Variants in NFXL1 observed in about 807,000 individuals in gnomAD.
NFXL1 encodes the protein NF-X1-type zinc finger protein NFXL1.
In NFXL1, 66 loss-of-function variants were observed where a neutral mutation model predicts 123.3. The observed-to-expected ratio is 0.54, with a 90% CI of 0.44 to 0.66. The LOEUF is 0.66. Among genes scored for constraint, NFXL1 ranks in the 30% least tolerant of loss-of-function variants. The probability of loss-of-function intolerance (pLI) is 0.00; values close to 1 mark genes in which losing one functional copy is unlikely to be tolerated. For missense variants in NFXL1, 944 were observed against 1,125.6 expected (o/e 0.84, Z 2.31); for synonymous variants, 346 against 360.8 (o/e 0.96, Z 0.46).
intron 14 of NFXL1, 117 bp from the exon 15 acceptor site, chr4:47,884,554 A>G (rs1736312562): frequency 3.4e-6 from 2 of 585,786 alleles, no homozygotes; most frequent in East Asian, 5.8e-5. Flanking sequence ...AATTTTTTCA[A>G]ATAATCAATA....
chr4:47,849,474 T>C (rs1308529777), intron 22 of NFXL1, among the ~76,000 whole-genome samples: 2 of 152,214 alleles, frequency 1.3e-5, no homozygotes, highest in African/African-American at 4.8e-5. Flanking sequence ...GGAGGAAATG[T>C]AAACTTTAGT....
intron 3 of NFXL1, among the ~76,000 whole-genome samples, chr4:47,905,600 G>A (rs887318656): frequency 6.6e-6 from 1 of 151,936 alleles, no homozygotes; most frequent in African/African-American, 2.4e-5. Flanking sequence ...TGCTTTTTTG[G>A]CTGTTAGAAT....
intron 19 of NFXL1, 50 bp from the exon 20 acceptor site, chr4:47,855,213 C>T (rs1241852938): frequency 1.8e-6 from 2 of 1,083,900 alleles, no homozygotes; most frequent in Non-Finnish European, 2.8e-6. Flanking sequence ...CTTGATCATA[C>T]TCTAGTTTCC....
intron 12 of NFXL1, among the ~76,000 whole-genome samples, chr4:47,888,811 T>C (rs965498020): frequency 6.6e-6 from 1 of 152,156 alleles, no homozygotes; most frequent in Non-Finnish European, 1.5e-5. Flanking sequence ...ACAAAACCAA[T>C]TACAACATGT....
intron 15 of NFXL1, among the ~76,000 whole-genome samples, chr4:47,879,358 G>A (rs1735944124): frequency 1.3e-5 from 2 of 151,652 alleles, no homozygotes; most frequent in African/African-American, 4.8e-5. Flanking sequence ...GAAATACTTG[G>A]GTATGAATTT....
At chr4:47,848,377 A>G in intron 22 of NFXL1, 41 bp from the exon 23 acceptor site, 9 of 1,416,466 alleles carry the variant, frequency 6.4e-6, no homozygotes, top group Non-Finnish European at 7.8e-6. Context: ...TTCAATGCAT[A>G]CATTGATTTG....
At chr4:47,886,651 G>A (rs1356529306) in intron 12 of NFXL1, among the ~76,000 whole-genome samples, 3 of 152,132 alleles carry the variant, frequency 2.0e-5, no homozygotes, top group Admixed American at 1.3e-4. Context: ...GTACAGGCGT[G>A]AGCCACTGCA....
At chr4:47,868,835 T>C (rs73143930) in intron 18 of NFXL1, among the ~76,000 whole-genome samples, 3,105 of 152,292 alleles carry the variant, frequency 0.02, 128 homozygotes, top group African/African-American at 0.071. Context: ...CTTTCAATGC[T>C]AAAAGCCGTA....
chr4:47,851,677 T>G (rs1173587741), intron 21 of NFXL1, among the ~76,000 whole-genome samples, 179 bp downstream of exon 21: 1 of 152,018 alleles, frequency 6.6e-6, no homozygotes, highest in Admixed American at 6.6e-5. Flanking sequence ...ATGAAAAGCC[T>G]TCATATACAC....
At chr4:47,898,688 C>T in intron 8 of NFXL1, 69 bp downstream of exon 8, 1 of 1,026,720 alleles carries the variant, frequency 9.7e-7, no homozygotes, top group South Asian at 1.3e-5. Context: ...ATTAGCCTTG[C>T]TGCTTTCTAG....
intron 15 of NFXL1, among the ~76,000 whole-genome samples, chr4:47,880,942 G>C (rs1458753912): frequency 1.3e-5 from 2 of 151,888 alleles, no homozygotes; most frequent in African/African-American, 4.8e-5. Context: ...AATAGTTACA[G>C]GATGGAAAAG....
rs117822130 is a variant in NFXL1, at chr4:47,905,442, A to G, written c.407-96T>C. 8.6e-4 allele frequency: 506 copies of G among 590,796 alleles called. 4 individuals are homozygous for G. The East Asian group carries it at 0.013, about 16-fold the overall frequency. The allele number at this position is 590,796 out of a possible 1,614,324, so 36.6% of individuals were successfully genotyped here. A position where few individuals can be genotyped will look rare whatever the true frequency, so the allele number is the denominator to read the frequency against. On this transcript the variant is annotated intron_variant, in intron 3 of 22. Transcript: ENST00000507489. The stretch of plus-strand genomic sequence containing the variant: ...CATATTATGTAAGAACTGTCTAGCA[A>G]TATCAATTGCTCAAAATATAGCTGT...
intron 17 of NFXL1, among the ~76,000 whole-genome samples, chr4:47,876,559 T>C (rs1386835778): frequency 1.3e-5 from 2 of 152,250 alleles, no homozygotes; most frequent in African/African-American, 2.4e-5. Context: ...AGTCAGGAGT[T>C]AGATCATTAC....
At chr4:47,907,260 C>T (rs1008991697) in intron 3 of NFXL1, among the ~76,000 whole-genome samples, 3 of 152,206 alleles carry the variant, frequency 2.0e-5, no homozygotes, top group African/African-American at 7.2e-5. Flanking sequence ...GCTGAGCTAA[C>T]ATGGGCAGAG....
At chr4:47,901,278 T>C (rs1737344860) in intron 5 of NFXL1, among the ~76,000 whole-genome samples, 1 of 152,128 alleles carries the variant, frequency 6.6e-6, no homozygotes, top group Admixed American at 6.6e-5. Context: ...ACAAAATGGG[T>C]TCTTAACCAG....
chr4:47,869,080 C>T (rs1735277052), intron 18 of NFXL1, among the ~76,000 whole-genome samples: 1 of 152,050 alleles, frequency 6.6e-6, no homozygotes, highest in Non-Finnish European at 1.5e-5. Flanking sequence ...TAAAAATTAT[C>T]CAGGCGTGGT....
chr4:47,891,893 C>T (rs1736792225), intron 11 of NFXL1, among the ~76,000 whole-genome samples: 1 of 151,310 alleles, frequency 6.6e-6, no homozygotes, highest in Admixed American at 6.6e-5. Flanking sequence ...GCCGAGATCA[C>T]ACCACTGCAC....
intron 2 of NFXL1, among the ~76,000 whole-genome samples, chr4:47,912,203 G>A (rs936288958): frequency 6.6e-6 from 1 of 152,084 alleles, no homozygotes; most frequent in Non-Finnish European, 1.5e-5. Flanking sequence ...CTGGCTATGA[G>A]ATATATAACT....
rs1560577871 is a variant in NFXL1 at position 47,851,857 on chromosome 4, T to G, written c.2507A>C (p.Glu836Ala). The G allele has an allele frequency of 6.3e-7, 1 of 1,587,476 alleles. No homozygotes were observed. Among genetic ancestry groups the G allele is most frequent in the Non-Finnish European group, 8.6e-7 (1 of 1,156,706 alleles). ...TCKEMKRKAS[E>A]IKEAEAKAAL... ...AAATGATATTTAACGAGACATTACC[T>G]CAGATGCTTTCCGCTTCATTTCCTT... Residue 836 changes from glutamate to alanine, a missense_variant and splice_region_variant, in exon 21 of 23, where the codon GAG becomes GCG. Glu to Ala is a moderately radical substitution (Grantham distance 107). This residue lies in a region of NFXL1 where 301 missense variants were observed against 348.0 expected (regional missense o/e 0.86). Transcript: ENST00000507489.
Sources: allele counts gnomAD v4.1 joint callset (sites outside exome capture counted in the v4.1 genomes callset), GRCh38; gene constraint gnomAD v4.1.1; regional missense constraint gnomAD v4.1.1; transcripts MANE v1.5; gene names NCBI Gene and HGNC (gene_info 2026-07-23, HGNC 2026-07-21).